Variants in MDGA2 observed in about 807,000 individuals in gnomAD.
The protein encoded by MDGA2 is MAM domain-containing glycosylphosphatidylinositol anchor protein 2.
MDGA2 carries 40 observed loss-of-function variants against 117.8 expected under a neutral mutation model. The observed-to-expected ratio is 0.34, with a 90% CI of 0.26 to 0.44. The LOEUF (loss-of-function observed/expected upper bound fraction) is 0.44, where lower values mean the gene tolerates loss of function less well. Among genes scored for constraint, MDGA2 ranks in the 20% least tolerant of loss-of-function variants. The pLI is 1.00. For missense variants in MDGA2, 1,123 were observed against 1,250.6 expected (o/e 0.90, Z 1.54); for synonymous variants, 452 against 439.0 (o/e 1.03, Z -0.37).
chr14:47,536,622 G>A (rs915518783), intron 1 of MDGA2, among the ~76,000 whole-genome samples: 1 of 152,176 alleles, frequency 6.6e-6, no homozygotes, highest in Non-Finnish European at 1.5e-5. Context: ...AGAAATAATT[G>A]GGAGTTTGTA....
At chr14:46,886,073 C>T (rs77447281) in intron 10 of MDGA2, among the ~76,000 whole-genome samples, 255 of 152,170 alleles carry the variant, frequency 1.7e-3, no homozygotes, top group African/African-American at 5.5e-3. Context: ...GGGCACAAGA[C>T]ACAAAGAAAT....
intron 1 of MDGA2, among the ~76,000 whole-genome samples, chr14:47,387,319 C>G (rs943761978): frequency 6.6e-6 from 1 of 152,000 alleles, no homozygotes; most frequent in African/African-American, 2.4e-5. Context: ...ATTCTCCACC[C>G]ACCCCCAAAC....
At chr14:47,176,086 C>T (rs1297815327) in intron 3 of MDGA2, among the ~76,000 whole-genome samples, 2 of 152,116 alleles carry the variant, frequency 1.3e-5, no homozygotes, top group East Asian at 1.9e-4. Context: ...AGGAATCCAA[C>T]TTATAAGGGA....
intron 5 of MDGA2, among the ~76,000 whole-genome samples, chr14:47,121,112 G>A (rs1010382910): frequency 6.6e-6 from 1 of 152,096 alleles, no homozygotes; most frequent in African/African-American, 2.4e-5. Flanking sequence ...CTGAGCCAAA[G>A]GAGAGCTGTT....
chr14:47,077,442 T>C (rs1890537159), intron 6 of MDGA2, among the ~76,000 whole-genome samples: 1 of 152,134 alleles, frequency 6.6e-6, no homozygotes, highest in Admixed American at 6.5e-5. Flanking sequence ...TATTTTTTGT[T>C]TTCTTTTGTT....
chr14:47,400,068 T>C (rs564774136), intron 1 of MDGA2, among the ~76,000 whole-genome samples: 8 of 152,338 alleles, frequency 5.3e-5, no homozygotes, highest in African/African-American at 1.9e-4. Context: ...AATAACCTTG[T>C]TGACAGAGCA....
At chr14:47,426,073 T>A (rs1263939103) in intron 1 of MDGA2, among the ~76,000 whole-genome samples, 2 of 152,112 alleles carry the variant, frequency 1.3e-5, no homozygotes, top group Non-Finnish European at 2.9e-5. Flanking sequence ...CAAAGAGTAC[T>A]GATTGTTTAT....
intron 1 of MDGA2, among the ~76,000 whole-genome samples, chr14:47,671,729 C>G (rs1247578212): frequency 6.6e-6 from 1 of 152,138 alleles, no homozygotes; most frequent in Non-Finnish European, 1.5e-5. Context: ...ATAACCCTGC[C>G]TTTTAAATTA....
At chr14:47,654,255 A>C (rs926254917) in intron 1 of MDGA2, among the ~76,000 whole-genome samples, 3 of 152,132 alleles carry the variant, frequency 2.0e-5, no homozygotes, top group Non-Finnish European at 2.9e-5. Context: ...AGAGCCCTAG[A>C]GATAACAAAA....
chr14:47,150,288 T>A (rs1883111042), intron 3 of MDGA2, among the ~76,000 whole-genome samples: 1 of 152,204 alleles, frequency 6.6e-6, no homozygotes. Context: ...GATGCAGGCC[T>A]CTTGAAATTC....
intron 12 of MDGA2, among the ~76,000 whole-genome samples, chr14:46,875,795 C>G (rs1882204139): frequency 6.6e-6 from 1 of 151,354 alleles, no homozygotes; most frequent in African/African-American, 2.4e-5. Context: ...TACATATGCA[C>G]AAAAAAGAGT....
chr14:47,340,887 G>A (rs1467836334), intron 1 of MDGA2, among the ~76,000 whole-genome samples: 1 of 152,120 alleles, frequency 6.6e-6, no homozygotes, highest in African/African-American at 2.4e-5. Context: ...AAACACTCAA[G>A]ATCCAATGTC....
chr14:47,533,530 T>C (rs1365079338), intron 1 of MDGA2, among the ~76,000 whole-genome samples: 1 of 152,224 alleles, frequency 6.6e-6, no homozygotes, highest in Non-Finnish European at 1.5e-5. Flanking sequence ...TAGGAGATGA[T>C]GTCTCTTTCC....
intron 1 of MDGA2, among the ~76,000 whole-genome samples, chr14:47,585,081 T>C (rs1055547115): frequency 4.6e-5 from 7 of 151,900 alleles, no homozygotes; most frequent in Admixed American, 3.3e-4. Flanking sequence ...TAGAAACATA[T>C]ATGCATACAG....
intron 9 of MDGA2, among the ~76,000 whole-genome samples, chr14:46,947,308 C>T (rs10134197): frequency 0.64 from 96,584 of 151,886 alleles, 31,705 homozygotes; most frequent in African/African-American, 0.8. Flanking sequence ...AATTCTAAAT[C>T]CTGTATAAAT....
chr14:47,057,209 G>C (rs1959816), intron 7 of MDGA2, among the ~76,000 whole-genome samples: 94,697 of 151,906 alleles, frequency 0.62, 30,550 homozygotes, highest in Admixed American at 0.74. Flanking sequence ...CTTTTGTCAA[G>C]TTTTAACTCA....
intron 1 of MDGA2, among the ~76,000 whole-genome samples, chr14:47,590,065 T>C (rs1010860754): frequency 6.6e-6 from 1 of 151,776 alleles, no homozygotes; most frequent in African/African-American, 2.4e-5. Context: ...TTTGTGTGTG[T>C]GTATTTGTGT....
intron 1 of MDGA2, among the ~76,000 whole-genome samples, chr14:47,400,722 G>A (rs1467152630): frequency 6.8e-6 from 1 of 147,004 alleles, no homozygotes; most frequent in Admixed American, 6.8e-5. Context: ...TTAGTGGTAA[G>A]GCTTTTTTTT....
intron 1 of MDGA2, among the ~76,000 whole-genome samples, chr14:47,589,711 G>A (rs1896399978): frequency 6.6e-6 from 1 of 151,864 alleles, no homozygotes; most frequent in Admixed American, 6.6e-5. Context: ...AAAGGCAGAG[G>A]GGGTTTTGAT....
Sources: gnomAD v4.1 joint callset for allele counts (sites outside exome capture counted in the v4.1 genomes callset) on GRCh38, gnomAD v4.1.1 for gene constraint, MANE v1.5 for transcripts, NCBI Gene and HGNC (gene_info 2026-07-23, HGNC 2026-07-21) for gene names.